Variants in GNB4 observed in about 807,000 individuals in gnomAD.
GNB4 encodes G protein subunit beta 4.
In GNB4, 28 loss-of-function variants were observed where a neutral mutation model predicts 45.2. The observed-to-expected ratio is 0.62, with a 90% CI of 0.46 to 0.85. The LOEUF (loss-of-function observed/expected upper bound fraction) is 0.85, where lower values mean the gene tolerates loss of function less well. Among genes scored for constraint, GNB4 ranks in the 40% least tolerant of loss-of-function variants. GNB4 has a pLI of 0.00. For synonymous variants in GNB4, 132 were observed against 143.7 expected (o/e 0.92, Z 0.58); for missense variants, 321 against 425.4 (o/e 0.75, Z 2.16).
chr3:179,490,992 G>A, the GNB4 span, among the ~76,000 whole-genome samples: 778 of 152,200 alleles, frequency 5.1e-3, 3 homozygotes, highest in African/African-American at 0.018. Flanking sequence ...ATCTCAACTC[G>A]TATGAAAAAA....
chr3:179,461,523 G>A, the GNB4 span, among the ~76,000 whole-genome samples: 2 of 151,916 alleles, frequency 1.3e-5, no homozygotes, highest in African/African-American at 4.8e-5. Flanking sequence ...ATGATTTTAG[G>A]CATTAGTATT....
At chr3:179,409,820 C>A (rs9790080) in intron 8 of GNB4, among the ~76,000 whole-genome samples, 201 of 101,332 alleles carry the variant, frequency 2.0e-3, no homozygotes, top group African/African-American at 7.7e-3. Context: ...AAAAAAAAAA[C>A]AAAAAAACAA....
chr3:179,405,150 TTCC>T, intron 9 of GNB4, 37 bp downstream of exon 9: 1 of 1,521,298 alleles, frequency 6.6e-7, no homozygotes, highest in Non-Finnish European at 9.0e-7. Context: ...CTCTTCACGC[TTCC>T]TGAAAATCAG....
rs1185728793 is a variant in GNB4 at position 179,397,811 on chromosome 3, A to AC, written c.*3401dup. On this transcript the variant is annotated 3_prime_UTR_variant, in exon 10 of 10. Coordinates refer to ENST00000232564, the MANE Select transcript of GNB4 (RefSeq NM_021629.4). ...GAGTGCAGTGGCGCCATCTCAGCTC[A>AC]CCAAAACCTCCACCTCCTGAGTTCA... 6.6e-6 allele frequency: 1 copy of AC among 152,004 alleles called. No homozygotes were observed. Among genetic ancestry groups the AC allele is most frequent in the Non-Finnish European group, 1.5e-5 (1 of 68,042 alleles). 9.4% of individuals were successfully genotyped at this position (152,004 alleles called of 1,614,324 possible). A position where few individuals can be genotyped will look rare whatever the true frequency, so the allele number is the denominator to read the frequency against.
chr3:179,459,643 T>C, the GNB4 span, among the ~76,000 whole-genome samples: 6 of 151,402 alleles, frequency 4.0e-5, no homozygotes. Flanking sequence ...GATCGTGCCA[T>C]TGCACTCCAG....
chr3:179,494,381 A>C, the GNB4 span, among the ~76,000 whole-genome samples: 1 of 151,902 alleles, frequency 6.6e-6, no homozygotes, highest in Non-Finnish European at 1.5e-5. Flanking sequence ...GGGAGGGAGA[A>C]AAAATCACTA....
intron 8 of GNB4, among the ~76,000 whole-genome samples, chr3:179,411,961 C>T (rs1300463042): frequency 6.6e-6 from 1 of 152,178 alleles, no homozygotes; most frequent in Non-Finnish European, 1.5e-5. Flanking sequence ...CTAACTCAAG[C>T]AGTATCCTAC....
the GNB4 span, among the ~76,000 whole-genome samples, chr3:179,475,058 G>T: frequency 6.6e-6 from 1 of 152,120 alleles, no homozygotes; most frequent in Admixed American, 6.5e-5. Flanking sequence ...GGCAAGCAAG[G>T]GTGAGAGCAA....
chr3:179,508,956 A>ATATATATG, the GNB4 span, among the ~76,000 whole-genome samples: 151 of 145,368 alleles, frequency 1.0e-3, 2 homozygotes, highest in Non-Finnish European at 1.8e-3. Flanking sequence ...ATATATATAT[A>ATATATATG]GTCCCTGTAA....
chr3:179,404,994 C>A (rs930063455), intron 9 of GNB4, among the ~76,000 whole-genome samples, 196 bp downstream of exon 9: 1 of 152,170 alleles, frequency 6.6e-6, no homozygotes, highest in Non-Finnish European at 1.5e-5. Flanking sequence ...CAGTGTGATT[C>A]TTCAGAAAGC....
chr3:179,498,749 G>GTTT, the GNB4 span, among the ~76,000 whole-genome samples: 83 of 130,790 alleles, frequency 6.3e-4, 4 homozygotes, highest in Middle Eastern at 8.5e-3. Flanking sequence ...TTGAGGTTTG[G>GTTT]TTTTTTTTTT....
chr3:179,405,515 G>A, intron 8 of GNB4, 109 bp from the exon 9 acceptor site: 1 of 706,570 alleles, frequency 1.4e-6, no homozygotes, highest in Non-Finnish European at 2.3e-6. Context: ...CTACCTACCA[G>A]GTGAGCGATG....
At chr3:179,515,419 A>G in the GNB4 span, among the ~76,000 whole-genome samples, 1 of 151,644 alleles carries the variant, frequency 6.6e-6, no homozygotes, top group Admixed American at 6.6e-5. Context: ...GAAGGGAGAT[A>G]GGGGTGGGGC....
chr3:179,434,375 C>T (rs1402018960), intron 1 of GNB4, among the ~76,000 whole-genome samples: 3 of 152,088 alleles, frequency 2.0e-5, no homozygotes, highest in Non-Finnish European at 2.9e-5. Context: ...GCATCATATC[C>T]CTTTTATAAA....
the GNB4 span, among the ~76,000 whole-genome samples, chr3:179,500,921 A>T: frequency 1.9e-3 from 292 of 152,286 alleles, 2 homozygotes; most frequent in African/African-American, 6.1e-3. Flanking sequence ...ATTTTTGCAC[A>T]TTGATTTTGT....
chr3:179,495,249 G>T, the GNB4 span, among the ~76,000 whole-genome samples: 1 of 152,242 alleles, frequency 6.6e-6, no homozygotes, highest in Non-Finnish European at 1.5e-5. Context: ...GCTGAGGTGG[G>T]TGGATTGCCT....
At chr3:179,502,525 G>T in the GNB4 span, among the ~76,000 whole-genome samples, 1 of 151,914 alleles carries the variant, frequency 6.6e-6, no homozygotes, top group Admixed American at 6.6e-5. Context: ...GAGTCACTGC[G>T]CCTGGCCTGT....
chr3:179,465,285 C>G, the GNB4 span: 1 of 1,488,630 alleles, frequency 6.7e-7, no homozygotes, highest in African/African-American at 1.4e-5. Flanking sequence ...GGTGTTGGCC[C>G]CATGACAGTG....
intron 5 of GNB4, 93 bp downstream of exon 5, chr3:179,416,400 C>A: frequency 5.8e-6 from 4 of 691,050 alleles, no homozygotes; most frequent in Middle Eastern, 7.2e-4. Flanking sequence ...TCTCAGAAAG[C>A]AATTTAAGTT....
Sources: allele counts gnomAD v4.1 joint callset (sites outside exome capture counted in the v4.1 genomes callset), GRCh38; gene constraint gnomAD v4.1.1; transcripts MANE v1.5; gene names NCBI Gene and HGNC (gene_info 2026-07-23, HGNC 2026-07-21).